OPRD1: variants seen among roughly 807,000 people sequenced by gnomAD.
OPRD1 encodes delta-type opioid receptor.
A neutral mutation model predicts 17.5 loss-of-function variants in OPRD1; 19 were observed. The observed-to-expected ratio is 1.09, with a 90% confidence interval of 0.76 to 1.60. OPRD1 has a LOEUF of 1.60. Among genes scored for constraint, OPRD1 ranks in the 40% most tolerant of loss-of-function variants. The probability of loss-of-function intolerance (pLI) is 0.00; values close to 1 mark genes in which losing one functional copy is unlikely to be tolerated. For synonymous variants in OPRD1, 256 were observed against 240.9 expected, an observed-to-expected ratio of 1.06 and a Z score of -0.58; for missense variants, 483 against 547.2, an observed-to-expected ratio of 0.88 and a Z score of 1.17.
chr1:28,841,174 A>AT (rs1387928132), intron 1 of OPRD1, among the ~76,000 whole-genome samples: 1 of 152,184 alleles, frequency 6.6e-6, no homozygotes, highest in Non-Finnish European at 1.5e-5. Context: ...TGGGCCCCAC[A>AT]TTCGTGCCTG....
chr1:28,824,894 C>T (rs576422349), intron 1 of OPRD1, among the ~76,000 whole-genome samples: 7 of 151,060 alleles, frequency 4.6e-5, no homozygotes, highest in Non-Finnish European at 8.8e-5. Context: ...TGCAGTGGCG[C>T]GATCTCGGCT....
At chr1:28,834,605 C>T (rs1250046666) in intron 1 of OPRD1, among the ~76,000 whole-genome samples, 1 of 151,862 alleles carries the variant, frequency 6.6e-6, no homozygotes, top group Non-Finnish European at 1.5e-5. Flanking sequence ...GTCTCGAACT[C>T]TTGAGCTCAA....
intron 1 of OPRD1, among the ~76,000 whole-genome samples, chr1:28,846,846 T>TTTCTTTCTTTCTTTCTTTCTTTCTTTC (rs769212543): frequency 1.3e-5 from 1 of 76,912 alleles, no homozygotes; most frequent in African/African-American, 3.8e-5. Flanking sequence ...TCTTTCTTTC[T>TTTCTTTCTTTCTTTCTTTCTTTCTTTC]TTTCTTTCTT....
chr1:28,852,531 A>ATGGTGG (rs1049333180), intron 1 of OPRD1, among the ~76,000 whole-genome samples: 1 of 152,144 alleles, frequency 6.6e-6, no homozygotes, highest in African/African-American at 2.4e-5. Context: ...GGAGCCAGAC[A>ATGGTGG]TGGTGGTGAG....
intron 2 of OPRD1, among the ~76,000 whole-genome samples, chr1:28,859,588 G>A (rs2089093682): frequency 6.6e-6 from 1 of 152,218 alleles, no homozygotes; most frequent in African/African-American, 2.4e-5. Flanking sequence ...CAAAGGGAAT[G>A]TATGAATTTA....
intron 1 of OPRD1, among the ~76,000 whole-genome samples, chr1:28,849,529 CA>C (rs1443794014): frequency 1.3e-5 from 2 of 152,206 alleles, no homozygotes; most frequent in Non-Finnish European, 2.9e-5. Flanking sequence ...CACGCACACA[CA>C]GGGGCACACA....
chr1:28,841,894 T>TG (rs1274550578), intron 1 of OPRD1, among the ~76,000 whole-genome samples: 2 of 150,344 alleles, frequency 1.3e-5, no homozygotes, highest in Non-Finnish European at 3.0e-5. Context: ...TTTTTTTTTT[T>TG]TGTATTTTTA....
At chr1:28,850,620 A>G (rs1409805584) in intron 1 of OPRD1, among the ~76,000 whole-genome samples, 3 of 151,396 alleles carry the variant, frequency 2.0e-5, no homozygotes, top group Non-Finnish European at 4.4e-5. Context: ...ACTGTGCCCA[A>G]CCTAAAAAAT....
chr1:28,824,313 C>CTTTT (rs58074384), intron 1 of OPRD1, among the ~76,000 whole-genome samples: 8 of 109,782 alleles, frequency 7.3e-5, no homozygotes, highest in Non-Finnish European at 1.1e-4. Flanking sequence ...TTTCTTTTTT[C>CTTTT]TTTTTTTTTT....
At chr1:28,814,616 C>T (rs2088658574) in intron 1 of OPRD1, among the ~76,000 whole-genome samples, 2 of 152,176 alleles carry the variant, frequency 1.3e-5, no homozygotes, top group African/African-American at 2.4e-5. Flanking sequence ...TCCCCGGGGC[C>T]TCTGGCTGGT....
At chr1:28,835,764 A>G (rs2124271547) in intron 1 of OPRD1, among the ~76,000 whole-genome samples, 1 of 152,342 alleles carries the variant, frequency 6.6e-6, no homozygotes, top group East Asian at 1.9e-4. Flanking sequence ...GACCTGCAGC[A>G]GGGAGAAGAT....
intron 1 of OPRD1, among the ~76,000 whole-genome samples, chr1:28,829,226 T>C (rs590013): frequency 0.43 from 64,638 of 152,012 alleles, 15,771 homozygotes; most frequent in African/African-American, 0.67. Flanking sequence ...CCTCACCTCT[T>C]TCAGCCTTCT....
chr1:28,832,370 T>G (rs561135030), intron 1 of OPRD1, among the ~76,000 whole-genome samples: 20 of 152,160 alleles, frequency 1.3e-4, no homozygotes, highest in African/African-American at 4.8e-4. Flanking sequence ...GTAGGAGGCC[T>G]GCTTTGGGAG....
At chr1:28,825,363 A>G (rs2088758045) in intron 1 of OPRD1, among the ~76,000 whole-genome samples, 1 of 152,086 alleles carries the variant, frequency 6.6e-6, no homozygotes, top group South Asian at 2.1e-4. Context: ...GTGGCTGGAA[A>G]TAGCAGTACT....
chr1:28,814,005 T>C (rs1569596712), intron 1 of OPRD1, among the ~76,000 whole-genome samples: 1 of 152,142 alleles, frequency 6.6e-6, no homozygotes, highest in African/African-American at 2.4e-5. Flanking sequence ...TGGGTGTCAG[T>C]GGGCTTCGGC....
chr1:28,844,810 T>C (rs550169998), intron 1 of OPRD1, among the ~76,000 whole-genome samples: 1 of 152,184 alleles, frequency 6.6e-6, no homozygotes, highest in East Asian at 1.9e-4. Flanking sequence ...AGTGGCACAA[T>C]CTCGGCTCAC....
intron 1 of OPRD1, among the ~76,000 whole-genome samples, chr1:28,843,463 G>C (rs992004609): frequency 6.6e-6 from 1 of 151,986 alleles, no homozygotes; most frequent in Non-Finnish European, 1.5e-5. Context: ...CTAGCCCCTC[G>C]TAACCCCAGG....
chr1:28,866,162 T>C lies in OPRD1; in HGVS notation c.*2879T>C, dbSNP rs914270337. 4 of 152,132 alleles carry C rather than the reference T, an allele frequency of 2.6e-5. No individual in the cohort carries two copies. The highest frequency in any genetic ancestry group is 9.7e-5 in the African/African-American group (4 of 41,416). The allele number at this position is 152,132 out of a possible 1,614,324, so 9.4% of individuals were successfully genotyped here. On this transcript the variant is annotated 3_prime_UTR_variant, in exon 3 of 3. Coordinates refer to ENST00000234961, the MANE Select transcript of OPRD1 (RefSeq NM_000911.4). ...TGCCCTCAGAAAGCCTGAGCCAGTG[T>C]TGGGAGATAAAGCATCAACAGATGA...
intron 1 of OPRD1, among the ~76,000 whole-genome samples, chr1:28,825,391 G>A (rs1310346911): frequency 6.6e-6 from 1 of 151,340 alleles, no homozygotes; most frequent in Non-Finnish European, 1.5e-5. Context: ...ACAAGAAGTA[G>A]GTTCTTTTTT....
Sources: gnomAD v4.1 joint callset for allele counts (sites outside exome capture counted in the v4.1 genomes callset) on GRCh38, gnomAD v4.1.1 for gene constraint, MANE v1.5 for transcripts, NCBI Gene and HGNC (gene_info 2026-07-23, HGNC 2026-07-21) for gene names.